Variants in NLGN4X observed in about 807,000 individuals in gnomAD.
NLGN4X encodes neuroligin-4, X-linked.
In NLGN4X, 3 loss-of-function variants were observed where a neutral mutation model predicts 40.3. That is an observed-to-expected ratio of 0.07 (90% CI 0.03 to 0.19). The LOEUF is 0.19. NLGN4X is among the 10% of genes least tolerant of loss of function. The pLI, the probability that NLGN4X is intolerant of heterozygous loss-of-function variation, is 1.00. For synonymous variants in NLGN4X, 270 were observed against 306.8 expected, an observed-to-expected ratio of 0.88 and a Z score of 1.25; for missense variants, 382 against 708.3, an observed-to-expected ratio of 0.54 and a Z score of 5.23.
intron 1 of NLGN4X, among the ~76,000 whole-genome samples, chrX:6,166,826 C>A (rs2040505791): frequency 9.0e-6 from 1 of 111,030 alleles, no homozygotes; most frequent in African/African-American, 3.3e-5. Context: ...AATCCCAACA[C>A]TTTCGGAGGC....
intron 3 of NLGN4X, among the ~76,000 whole-genome samples, chrX:5,990,809 A>G (rs1432641695): frequency 9.0e-6 from 1 of 111,164 alleles, no homozygotes; most frequent in African/African-American, 3.3e-5. Context: ...TCTAAGTCAG[A>G]AAAGTACCTG....
intron 2 of NLGN4X, among the ~76,000 whole-genome samples, chrX:6,065,976 A>T (rs1223877464): frequency 1.8e-5 from 2 of 112,300 alleles, no homozygotes; most frequent in Non-Finnish European, 3.8e-5. Context: ...AAACATAGTT[A>T]TAACATTATT....
chrX:5,908,340 G>T (rs981613894), intron 4 of NLGN4X, among the ~76,000 whole-genome samples: 2 of 110,727 alleles, frequency 1.8e-5, no homozygotes, highest in African/African-American at 6.6e-5. Context: ...AAGATTTAAA[G>T]AATTAATATG....
At chrX:6,215,465 C>T (rs1440373656) in intron 1 of NLGN4X, among the ~76,000 whole-genome samples, 1 of 108,787 alleles carries the variant, frequency 9.2e-6, no homozygotes, top group Non-Finnish European at 1.9e-5. Flanking sequence ...AGGAGAAACA[C>T]TTGAACCTGG....
chrX:5,955,173 A>G (rs928982308), intron 3 of NLGN4X, among the ~76,000 whole-genome samples: 3 of 112,174 alleles, frequency 2.7e-5, no homozygotes, highest in African/African-American at 9.7e-5. Flanking sequence ...TCAGGGTTTA[A>G]GCCAAAAATA....
chrX:6,073,712 C>T (rs1035413254), intron 2 of NLGN4X, among the ~76,000 whole-genome samples: 4 of 110,720 alleles, frequency 3.6e-5, no homozygotes, highest in Admixed American at 9.7e-5. Context: ...CAGGAAAGAG[C>T]AAAATGAGGG....
intron 3 of NLGN4X, among the ~76,000 whole-genome samples, chrX:5,995,124 T>A (rs2035786391): frequency 8.9e-6 from 1 of 112,310 alleles, no homozygotes; most frequent in Non-Finnish European, 1.9e-5. Flanking sequence ...GTAGCTATAG[T>A]TTTGCAAGAA....
intron 2 of NLGN4X, among the ~76,000 whole-genome samples, chrX:6,033,387 C>G (rs2036922191): frequency 8.9e-6 from 1 of 112,244 alleles, no homozygotes; most frequent in Non-Finnish European, 1.9e-5. Flanking sequence ...TTTAGAGAAG[C>G]ACTACCCACT....
intron 2 of NLGN4X, among the ~76,000 whole-genome samples, chrX:6,092,100 A>G (rs1324179919): frequency 2.8e-5 from 3 of 108,400 alleles, no homozygotes; most frequent in Non-Finnish European, 5.7e-5. Context: ...AGCAGGTAAC[A>G]CATCACTCTG....
At chrX:6,052,131 G>A (rs2037509403) in intron 2 of NLGN4X, among the ~76,000 whole-genome samples, 1 of 109,222 alleles carries the variant, frequency 9.2e-6, no homozygotes, top group African/African-American at 3.3e-5. Context: ...AAATAAACCA[G>A]ATTCTGCCAA....
chrX:6,026,399 G>A (rs1277487425), intron 3 of NLGN4X, among the ~76,000 whole-genome samples: 1 of 112,064 alleles, frequency 8.9e-6, no homozygotes, highest in South Asian at 3.7e-4. Context: ...TCACTGAAAT[G>A]ATCATTGCAG....
At chrX:5,932,810 C>A (rs1242723325) in intron 3 of NLGN4X, among the ~76,000 whole-genome samples, 1 of 110,637 alleles carries the variant, frequency 9.0e-6, no homozygotes, top group African/African-American at 3.3e-5. Flanking sequence ...AAAAAAAATA[C>A]AGAGGAAGAA....
At chrX:6,223,131 CAT>C (rs1351184830) in intron 1 of NLGN4X, among the ~76,000 whole-genome samples, 5 of 109,556 alleles carry the variant, frequency 4.6e-5, no homozygotes, top group Non-Finnish European at 7.6e-5. Flanking sequence ...TATGTATTAC[CAT>C]ATATATATTA....
At chrX:6,209,627 G>C (rs1215128820) in intron 1 of NLGN4X, among the ~76,000 whole-genome samples, 1 of 111,658 alleles carries the variant, frequency 9.0e-6, no homozygotes. Flanking sequence ...AAATTCTCTA[G>C]TGCATCCTTG....
chrX:6,158,362 A>G (rs2040316280), intron 1 of NLGN4X, among the ~76,000 whole-genome samples: 1 of 111,916 alleles, frequency 8.9e-6, no homozygotes, highest in South Asian at 3.7e-4. Flanking sequence ...CTAGATCATT[A>G]CTTTTCTAGT....
chrX:6,187,127 G>A (rs1922092708), intron 1 of NLGN4X: 2 of 103,690 alleles, frequency 1.9e-5, no homozygotes, highest in African/African-American at 3.5e-5. Flanking sequence ...TAGTAGAGAC[G>A]GGGTTTCACC....
At chrX:6,163,107 GTTC>G (rs2040432501) in intron 1 of NLGN4X, among the ~76,000 whole-genome samples, 1 of 111,636 alleles carries the variant, frequency 9.0e-6, no homozygotes, top group Non-Finnish European at 1.9e-5. Flanking sequence ...ACATGCCTTT[GTTC>G]TTACCTTGCC....
chrX:5,987,934 T>A (rs2035574255), intron 3 of NLGN4X, among the ~76,000 whole-genome samples: 1 of 111,111 alleles, frequency 9.0e-6, no homozygotes, highest in South Asian at 3.8e-4. Flanking sequence ...AAAATTAGCT[T>A]GGTATGGTGG....
intron 3 of NLGN4X, among the ~76,000 whole-genome samples, chrX:5,931,150 C>T (rs2033531505): frequency 8.9e-6 from 1 of 112,073 alleles, no homozygotes; most frequent in South Asian, 3.7e-4. Context: ...AGTGGATTTG[C>T]TCTCTGGAGC....
Sources: allele counts gnomAD v4.1 joint callset (sites outside exome capture counted in the v4.1 genomes callset), GRCh38; gene constraint gnomAD v4.1.1; transcripts MANE v1.5; gene names NCBI Gene and HGNC (gene_info 2026-07-23, HGNC 2026-07-21).